CAMKMT: variants seen among roughly 807,000 people sequenced by gnomAD.
The protein encoded by CAMKMT is CaM KMT.
CAMKMT carries 53 observed loss-of-function variants against 48.0 expected under a neutral mutation model. The observed-to-expected ratio is 1.10, with a 90% CI of 0.89 to 1.39. The LOEUF (loss-of-function observed/expected upper bound fraction) is 1.39. Ranked by LOEUF, CAMKMT falls within the 40% of genes most tolerant of loss-of-function variation. The pLI is 0.00. For missense variants in CAMKMT, 428 were observed against 402.7 expected (o/e 1.06, Z -0.54); for synonymous variants, 165 against 152.3 (o/e 1.08, Z -0.61).
chr2:44,555,791 GGAGAAACTTTCAAGGGCAA>G (rs1667974544), intron 3 of CAMKMT, among the ~76,000 whole-genome samples: 1 of 152,196 alleles, frequency 6.6e-6, no homozygotes, highest in Non-Finnish European at 1.5e-5. Flanking sequence ...AACCAAGGGA[GGAGAAACTTTCAAGGGCAA>G]GAGAGTGGCC....
At chr2:44,590,366 A>G (rs1284541813) in intron 3 of CAMKMT, among the ~76,000 whole-genome samples, 1 of 152,190 alleles carries the variant, frequency 6.6e-6, no homozygotes, top group African/African-American at 2.4e-5. Context: ...GGTAGAATTC[A>G]CCAGTAAGCC....
rs141327142 is a variant in CAMKMT, at chr2:44,638,820, T to C, written c.377-65463T>C. On this transcript the variant is annotated intron_variant, in intron 3 of 10. Transcript: ENST00000378494. ...CCTCTGACATTCCCTGACCTTTGTCTGCTCCAGCACGTGTTGTCAGTGACA... is the reference window on the plus strand; with the variant it reads ...CCTCTGACATTCCCTGACCTTTGTCCGCTCCAGCACGTGTTGTCAGTGACA... Among the ~76,000 whole-genome samples the C allele has an allele frequency of 2.6e-5, 4 of 152,352 alleles. No homozygotes were observed. The East Asian group carries it at 7.7e-4, about 29-fold the overall frequency.
intron 3 of CAMKMT, among the ~76,000 whole-genome samples, chr2:44,632,151 C>G (rs1672869714): frequency 6.6e-6 from 1 of 152,128 alleles, no homozygotes; most frequent in Admixed American, 6.5e-5. Context: ...CAGCACTCTT[C>G]ACTGATTTTT....
At chr2:44,516,896 C>T (rs146364216) in intron 3 of CAMKMT, among the ~76,000 whole-genome samples, 1 of 152,028 alleles carries the variant, frequency 6.6e-6, no homozygotes, top group East Asian at 1.9e-4. Flanking sequence ...CATGTGCCAC[C>T]ACGCCCAGCT....
In CAMKMT at chr2:44,383,957, G is replaced by A. The variant is rs555222813; in HGVS notation, c.312-6284G>A. 5.3e-5 allele frequency among the ~76,000 whole-genome samples: 8 copies of A among 152,176 alleles called. No individual in the cohort carries two copies. In the South Asian group the frequency reaches 8.3e-4, roughly 16 times the overall value. On this transcript the variant is annotated intron_variant, in intron 2 of 10. Transcript: ENST00000378494. ...ACATGAGTGTGCAAGGGTCTTTTTC[G>A]AATAATGACTTATTTTCCTCTGGGT...
chr2:44,612,360 A>G (rs980150023), intron 3 of CAMKMT, among the ~76,000 whole-genome samples: 2 of 152,212 alleles, frequency 1.3e-5, no homozygotes, highest in Non-Finnish European at 2.9e-5. Context: ...CTGCCAATCA[A>G]TAAAGATAGC....
At chr2:44,650,653 G>C (rs1674006159) in intron 3 of CAMKMT, among the ~76,000 whole-genome samples, 1 of 152,058 alleles carries the variant, frequency 6.6e-6, no homozygotes, top group African/African-American at 2.4e-5. Flanking sequence ...CAAATAACTG[G>C]TTACAAATTT....
intron 3 of CAMKMT, among the ~76,000 whole-genome samples, chr2:44,667,618 C>T (rs141688147): frequency 2.1e-3 from 314 of 152,246 alleles, no homozygotes; most frequent in Admixed American, 4.0e-3. Context: ...TATTCCTCCC[C>T]GTTATCTCCA....
At chr2:44,705,108 G>A (rs532656619) in intron 4 of CAMKMT, among the ~76,000 whole-genome samples, 103 of 152,170 alleles carry the variant, frequency 6.8e-4, no homozygotes, top group African/African-American at 2.2e-3. Flanking sequence ...TGTTTTAACC[G>A]TATGTACTTA....
intron 3 of CAMKMT, among the ~76,000 whole-genome samples, chr2:44,595,750 A>G (rs549681741): frequency 1.7e-4 from 26 of 152,346 alleles, no homozygotes; most frequent in Admixed American, 5.2e-4. Context: ...CCCATGAATC[A>G]TAGACTGGAT....
intron 3 of CAMKMT, among the ~76,000 whole-genome samples, chr2:44,543,213 T>G (rs572904868): frequency 6.6e-6 from 1 of 152,306 alleles, no homozygotes; most frequent in East Asian, 1.9e-4. Flanking sequence ...AGAGAAAAGC[T>G]GAGAATCTAC....
At chr2:44,707,698 G>T (rs932708100) in intron 6 of CAMKMT, among the ~76,000 whole-genome samples, 1 of 151,888 alleles carries the variant, frequency 6.6e-6, no homozygotes, top group African/African-American at 2.4e-5. Context: ...CTATTTTTGT[G>T]GACCTCCCGA....
chr2:44,427,765 T>C (rs1684372407), intron 3 of CAMKMT, among the ~76,000 whole-genome samples: 1 of 152,188 alleles, frequency 6.6e-6, no homozygotes, highest in Non-Finnish European at 1.5e-5. Context: ...TTGTATTATA[T>C]TGAATTTGTG....
At chr2:44,592,755 A>C (rs543106174) in intron 3 of CAMKMT, among the ~76,000 whole-genome samples, 2 of 152,178 alleles carry the variant, frequency 1.3e-5, no homozygotes, top group East Asian at 3.8e-4. Context: ...CCCAAGGATA[A>C]GGGAGGACTA....
chr2:44,760,199 G>A (rs1443087520), intron 9 of CAMKMT, among the ~76,000 whole-genome samples: 1 of 152,158 alleles, frequency 6.6e-6, no homozygotes, highest in Admixed American at 6.5e-5. Context: ...GTGACTGCCT[G>A]AGGAAGGTTT....
intron 3 of CAMKMT, among the ~76,000 whole-genome samples, chr2:44,667,910 C>T (rs962052069): frequency 1.1e-4 from 17 of 152,164 alleles, no homozygotes; most frequent in African/African-American, 3.9e-4. Context: ...ATTTAGGTTC[C>T]ATGCCCATGA....
At chr2:44,549,816 C>T (rs1667608606) in intron 3 of CAMKMT, 1 of 406,612 alleles carries the variant, frequency 2.5e-6, no homozygotes, top group Non-Finnish European at 4.3e-6. Flanking sequence ...GGGGCTTCTT[C>T]AACTGTGGCC....
intron 3 of CAMKMT, among the ~76,000 whole-genome samples, chr2:44,537,137 G>C (rs116457150): frequency 0.023 from 3,456 of 152,098 alleles, 149 homozygotes; most frequent in African/African-American, 0.08. Context: ...CCAAAGCATA[G>C]ACAACAAAAA....
In CAMKMT at chr2:44,743,609, T is replaced by C; in HGVS notation, c.624-13T>C. On this transcript the variant is annotated splice_polypyrimidine_tract_variant and intron_variant, in intron 7 of 10. Coordinates refer to ENST00000378494, the MANE Select transcript of CAMKMT (RefSeq NM_024766.5). ...ACCCTATGTATAATTTTTAAAATCT[T>C]TTTCTCCTCAAGCGTTTTACGATGG... is the stretch of plus-strand genomic sequence containing the variant. 1 of 1,596,504 alleles carries C rather than the reference T, an allele frequency of 6.3e-7. No homozygotes were observed. The highest frequency in any genetic ancestry group is 8.5e-7 in the Non-Finnish European group (1 of 1,172,106).
Sources: gnomAD v4.1 joint callset for allele counts (sites outside exome capture counted in the v4.1 genomes callset) on GRCh38, gnomAD v4.1.1 for gene constraint, MANE v1.5 for transcripts, NCBI Gene and HGNC (gene_info 2026-07-23, HGNC 2026-07-21) for gene names.